SLC4A10: variants seen among roughly 807,000 people sequenced by gnomAD.
SLC4A10 encodes solute carrier family 4 member 10.
Under a neutral mutation model 137.7 loss-of-function variants are expected in SLC4A10, and 42 were observed. The ratio of observed to expected loss-of-function variants is 0.30; its 90% CI spans 0.24 to 0.39. The LOEUF (loss-of-function observed/expected upper bound fraction) is 0.39, where lower values mean the gene tolerates loss of function less well. Among genes scored for constraint, SLC4A10 ranks in the 10% least tolerant of loss-of-function variants. The pLI is 1.00. For synonymous variants in SLC4A10, 474 were observed against 464.1 expected, an observed-to-expected ratio of 1.02 and a Z score of -0.27; for missense variants, 925 against 1,355.0, an observed-to-expected ratio of 0.68 and a Z score of 4.98.
At chr2:161,893,142 A>C (rs190933794) in intron 10 of SLC4A10, among the ~76,000 whole-genome samples, 1 of 152,230 alleles carries the variant, frequency 6.6e-6, no homozygotes, top group East Asian at 1.9e-4. Context: ...ACCCAAGTAG[A>C]ATATACCTGA....
intron 1 of SLC4A10, among the ~76,000 whole-genome samples, chr2:161,758,735 C>T (rs1403982425): frequency 6.6e-6 from 1 of 151,840 alleles, no homozygotes; most frequent in African/African-American, 2.4e-5. Flanking sequence ...TTGCTAATTG[C>T]ATTTAAAAAT....
intron 3 of SLC4A10, among the ~76,000 whole-genome samples, chr2:161,833,228 T>G (rs904842496): frequency 1.3e-5 from 2 of 152,308 alleles, no homozygotes; most frequent in South Asian, 2.1e-4. Context: ...GGGATATCTT[T>G]TTTGCTCAGA....
chr2:161,862,832 G>A, intron 5 of SLC4A10, 42 bp from the exon 6 acceptor site: 1 of 1,466,778 alleles, frequency 6.8e-7, no homozygotes, highest in Non-Finnish European at 9.1e-7. Flanking sequence ...ACACGTTCTA[G>A]AGGAAAGCTG....
In SLC4A10 at chr2:161,942,890, C is replaced by T. The variant is rs1228514450; in HGVS notation, c.2096C>T (p.Thr699Ile). The change falls in exon 16 of 27, where the codon ACT (threonine) becomes ATT (isoleucine). Residue 699 changes from threonine (T) to isoleucine (I), a missense_variant. Thr to Ile is a moderately conservative substitution (Grantham distance 89). Coordinates refer to ENST00000446997, the MANE Select transcript of SLC4A10 (RefSeq NM_001178015.2). ...SASDIIWENL[T>I]VSECKSLHGE... The stretch of plus-strand genomic sequence containing the variant: ...TCTGACATAATTTGGGAGAACCTAA[C>T]TGTGTCAGTAAGTAAAACACTGAAA... The T allele has an allele frequency of 6.3e-7, 1 of 1,589,116 alleles. No individual in the cohort carries two copies.
chr2:161,934,247 C>A (rs944969899), intron 15 of SLC4A10, among the ~76,000 whole-genome samples: 1 of 151,948 alleles, frequency 6.6e-6, no homozygotes, highest in African/African-American at 2.4e-5. Context: ...TATCAAATAC[C>A]AGATCTTATT....
At chr2:161,932,721 A>G (rs1690634652) in intron 15 of SLC4A10, among the ~76,000 whole-genome samples, 1 of 152,182 alleles carries the variant, frequency 6.6e-6, no homozygotes, top group Admixed American at 6.5e-5. Flanking sequence ...AATGTAAAGT[A>G]TAGGATCTTT....
At chr2:161,716,072 C>A in intron 1 of SLC4A10, among the ~76,000 whole-genome samples, 1 of 152,020 alleles carries the variant, frequency 6.6e-6, no homozygotes, top group Non-Finnish European at 1.5e-5. Context: ...ATTTGAATTT[C>A]TCTAATAATC....
chr2:161,830,231 A>G (rs1274825626), intron 3 of SLC4A10, among the ~76,000 whole-genome samples: 4 of 151,522 alleles, frequency 2.6e-5, no homozygotes, highest in Non-Finnish European at 4.4e-5. Context: ...GTTTCCCTAT[A>G]TTTTAATAAC....
Position 161,942,795 on chromosome 2 carries a change from T to C in SLC4A10, c.2001T>C (p.Cys667=). Residue 667 remains cysteine (C), a synonymous_variant, in exon 16 of 27, where the codon TGT becomes TGC. Transcript: ENST00000446997. ...AGACACTATTTTGCCTTTTCAGGTG[T>C]AACTGTGTGGAACCGCATAATCCCA... ...NDLELLTQYS[C]NCVEPHNPSN... is the part of the protein sequence containing the mutation. 1.3e-6 allele frequency: 2 copies of C among 1,599,478 alleles called. No individual in the cohort carries two copies. Among genetic ancestry groups the C allele is most frequent in the Non-Finnish European group, 1.7e-6 (2 of 1,172,394 alleles).
intron 1 of SLC4A10, among the ~76,000 whole-genome samples, chr2:161,633,331 T>A (rs2033894690): frequency 6.6e-6 from 1 of 151,790 alleles, no homozygotes; most frequent in Admixed American, 6.6e-5. Flanking sequence ...TAGATAATTT[T>A]TGTGCTGCTC....
At chr2:161,799,929 C>T (rs1338566153) in intron 2 of SLC4A10, among the ~76,000 whole-genome samples, 1 of 151,924 alleles carries the variant, frequency 6.6e-6, no homozygotes, top group African/African-American at 2.4e-5. Context: ...ATGGTCTTCT[C>T]CTGTCTTCTC....
At chr2:161,880,396 C>A (rs1361270073) in intron 9 of SLC4A10, among the ~76,000 whole-genome samples, 1 of 152,086 alleles carries the variant, frequency 6.6e-6, no homozygotes, top group Non-Finnish European at 1.5e-5. Context: ...AAATATTCTA[C>A]AACTATGGAA....
At chr2:161,723,438 G>A (rs1037744688) in intron 1 of SLC4A10, among the ~76,000 whole-genome samples, 1 of 152,132 alleles carries the variant, frequency 6.6e-6, no homozygotes. Flanking sequence ...ACTTGTTTTT[G>A]TTCTCTGTGA....
rs1002256158 is a variant in SLC4A10 at position 161,708,643 on chromosome 2, C to T, written c.49-62330C>T. 6 of 1,458,596 alleles carry T rather than the reference C, an allele frequency of 4.1e-6. No homozygotes were observed. In the African/African-American group the frequency reaches 4.3e-5, roughly 10 times the overall value. The allele number at this position is 1,458,596 out of a possible 1,614,324, so 90.4% of individuals were successfully genotyped here. A position where few individuals can be genotyped will look rare whatever the true frequency, so the allele number is the denominator to read the frequency against. ...ATGTGATTTGATATCTTGATGATGG[C>T]TTAAACAGATACTGATGGACAGATC... is the stretch of plus-strand genomic sequence containing the variant. On this transcript the variant is annotated intron_variant, in intron 1 of 26. Coordinates refer to ENST00000446997, the MANE Select transcript of SLC4A10 (RefSeq NM_001178015.2).
chr2:161,938,087 A>G (rs1288495819), intron 15 of SLC4A10, among the ~76,000 whole-genome samples: 4 of 152,152 alleles, frequency 2.6e-5, no homozygotes, highest in Non-Finnish European at 4.4e-5. Context: ...AGCTGGCAAC[A>G]TGACAAAACC....
chr2:161,904,968 A>G, intron 14 of SLC4A10, 59 bp downstream of exon 14: 1 of 1,532,410 alleles, frequency 6.5e-7, no homozygotes, highest in Non-Finnish European at 8.9e-7. Flanking sequence ...CTGTATTTAT[A>G]CTTCTCCCAA....
chr2:161,957,000 G>C lies in SLC4A10; in HGVS notation c.2553G>C (p.Gly851=). 1 of 1,580,222 alleles carries C rather than the reference G, an allele frequency of 6.3e-7. No individual in the cohort carries two copies. Among genetic ancestry groups the C allele is most frequent in the Non-Finnish European group, 8.6e-7 (1 of 1,162,914 alleles). ...RKEHKLKKGC[G]YHLDLLMVAV... Reference sequence around the variant, plus strand: ...TCTTTTTTAAACAGAAAGGTTGTGGGTACCATCTGGACCTATTAATGGTGG... The same window carrying C: ...TCTTTTTTAAACAGAAAGGTTGTGGCTACCATCTGGACCTATTAATGGTGG... The change falls in exon 20 of 27, where the codon GGG becomes GGC. Residue 851 remains glycine, a synonymous_variant. Transcript: ENST00000446997.
chr2:161,730,151 A>C (rs1234842193), intron 1 of SLC4A10, among the ~76,000 whole-genome samples: 2 of 152,192 alleles, frequency 1.3e-5, no homozygotes, highest in African/African-American at 4.8e-5. Context: ...ACTTTGTTGC[A>C]CTTTTATCTC....
intron 1 of SLC4A10, among the ~76,000 whole-genome samples, chr2:161,689,863 A>G (rs1215561308): frequency 2.0e-5 from 3 of 152,046 alleles, no homozygotes; most frequent in African/African-American, 7.2e-5. Flanking sequence ...CTTTTGGTGC[A>G]TTTTCATTCA....
Sources: allele counts gnomAD v4.1 joint callset (sites outside exome capture counted in the v4.1 genomes callset), GRCh38; gene constraint gnomAD v4.1.1; transcripts MANE v1.5; gene names NCBI Gene and HGNC (gene_info 2026-07-23, HGNC 2026-07-21).